The following PDLIM5 variants were observed in gnomAD, a reference collection of about 807,000 sequenced individuals.
PDLIM5 encodes the protein PDZ and LIM domain protein 5.
Under a neutral mutation model 64.2 loss-of-function variants are expected in PDLIM5, and 34 were observed. The ratio of observed to expected loss-of-function variants is 0.53; its 90% CI spans 0.40 to 0.71. The LOEUF is 0.71. PDLIM5 is among the 30% of genes least tolerant of loss of function. The pLI, the probability that PDLIM5 is intolerant of heterozygous loss-of-function variation, is 0.00. For synonymous variants in PDLIM5, 253 were observed against 269.1 expected (o/e 0.94, Z 0.59); for missense variants, 683 against 733.6 (o/e 0.93, Z 0.80).
chr4:94,639,286 A>G (rs528495910), intron 8 of PDLIM5, among the ~76,000 whole-genome samples: 2 of 152,304 alleles, frequency 1.3e-5, no homozygotes, highest in Admixed American at 1.3e-4. Flanking sequence ...GGGGATTTGT[A>G]TGCAGCACGT....
intron 7 of PDLIM5, among the ~76,000 whole-genome samples, chr4:94,612,174 C>T (rs534191555): frequency 5.0e-4 from 76 of 152,146 alleles, no homozygotes; most frequent in African/African-American, 1.6e-3. Flanking sequence ...GCCGAAATTG[C>T]GCCATTGCAC....
At chr4:94,607,105 C>A (rs1737990512) in intron 7 of PDLIM5, among the ~76,000 whole-genome samples, 1 of 152,174 alleles carries the variant, frequency 6.6e-6, no homozygotes, top group South Asian at 2.1e-4. Context: ...TTAGTTCTAT[C>A]ATGACATTTT....
intron 1 of PDLIM5, among the ~76,000 whole-genome samples, chr4:94,453,205 A>C (rs909538997): frequency 6.6e-6 from 1 of 152,164 alleles, no homozygotes; most frequent in Non-Finnish European, 1.5e-5. Context: ...GTATGCTGCT[A>C]TTTCCTGCCT....
intron 2 of PDLIM5, among the ~76,000 whole-genome samples, chr4:94,462,243 C>G (rs558679671): frequency 6.6e-5 from 10 of 152,224 alleles, no homozygotes; most frequent in African/African-American, 2.2e-4. Context: ...TCTCCTGGTG[C>G]CCTGCTGTTC....
chr4:94,509,369 G>C (rs1398740564), intron 2 of PDLIM5, among the ~76,000 whole-genome samples: 1 of 151,980 alleles, frequency 6.6e-6, no homozygotes, highest in Non-Finnish European at 1.5e-5. Context: ...TTTACTTCCA[G>C]ACATTTTATT....
chr4:94,568,440 A>T (rs1178518832), intron 3 of PDLIM5, among the ~76,000 whole-genome samples: 3 of 152,052 alleles, frequency 2.0e-5, no homozygotes, highest in Non-Finnish European at 4.4e-5. Context: ...CTGTAATGAA[A>T]TTTTTTCCAT....
chr4:94,485,816 C>T (rs1726267679), intron 2 of PDLIM5, among the ~76,000 whole-genome samples: 1 of 146,284 alleles, frequency 6.8e-6, no homozygotes, highest in Admixed American at 6.9e-5. Context: ...CGCCACTGCA[C>T]TCCAGCCTAG....
At position 94,618,132 on chromosome 4, in the gene PDLIM5, A is replaced by G. The variant is rs1235666981; in HGVS notation, c.1049A>G (p.Lys350Arg). ...VTSLTAAAAF[K>R]PVGSTGVIKS... ...AGCCTCACAGCTGCAGCTGCCTTCA[A>G]GCCTGTAGGATCCACTGGCGTCATC... The change falls in exon 8 of 13, where the codon AAG (lysine) becomes AGG (arginine). Residue 350 changes from lysine (K) to arginine (R), a missense_variant. Transcript: ENST00000317968. 2 of 1,612,252 alleles carry G rather than the reference A, an allele frequency of 1.2e-6. No individual in the cohort carries two copies. The highest frequency in any genetic ancestry group is 3.3e-5 in the Admixed American group (2 of 59,796).
intron 2 of PDLIM5, among the ~76,000 whole-genome samples, chr4:94,469,992 A>T (rs1445675752): frequency 2.8e-5 from 3 of 106,494 alleles, no homozygotes; most frequent in Non-Finnish European, 5.1e-5. Context: ...TTTGAGACAG[A>T]GTCTCACTCT....
At chr4:94,581,552 C>G (rs1023476210) in intron 5 of PDLIM5, among the ~76,000 whole-genome samples, 1 of 152,122 alleles carries the variant, frequency 6.6e-6, no homozygotes, top group South Asian at 2.1e-4. Flanking sequence ...CAACTTAATC[C>G]TGCATCTCAC....
At chr4:94,643,989 T>TCCTA (rs1211247874) in intron 9 of PDLIM5, among the ~76,000 whole-genome samples, 2 of 152,050 alleles carry the variant, frequency 1.3e-5, no homozygotes, top group African/African-American at 4.8e-5. Flanking sequence ...GCCCTTGTAT[T>TCCTA]TAAGGAAACA....
intron 3 of PDLIM5, among the ~76,000 whole-genome samples, chr4:94,564,881 C>A (rs1236570027): frequency 6.6e-6 from 1 of 151,928 alleles, no homozygotes; most frequent in Non-Finnish European, 1.5e-5. Flanking sequence ...TGGTCTTGAT[C>A]TCCTGACCTC....
chr4:94,647,975 A>G lies in PDLIM5; in HGVS notation c.1284-6485A>G, dbSNP rs567328805. Reference sequence around the variant, plus strand: ...AATACTTTGAGCTGAATGAAAATGAAAATGTAATATACCAAAACTTATTGA... The same window carrying G: ...AATACTTTGAGCTGAATGAAAATGAGAATGTAATATACCAAAACTTATTGA... On this transcript the variant is annotated intron_variant, in intron 9 of 12. Transcript: ENST00000317968. Among the ~76,000 whole-genome samples, 3 of 152,324 alleles carry G rather than the reference A, an allele frequency of 2.0e-5. No individual in the cohort carries two copies. In the South Asian group the frequency reaches 6.2e-4, roughly 32 times the overall value.
At chr4:94,539,522 G>A (rs533186465) in intron 3 of PDLIM5, among the ~76,000 whole-genome samples, 116 of 152,246 alleles carry the variant, frequency 7.6e-4, no homozygotes, top group Admixed American at 1.4e-3. Flanking sequence ...GGTAGGATTA[G>A]GGAATAGGTA....
chr4:94,542,010 G>C (rs547936514), intron 3 of PDLIM5, among the ~76,000 whole-genome samples: 42 of 152,228 alleles, frequency 2.8e-4, no homozygotes, highest in African/African-American at 9.4e-4. Flanking sequence ...GGGGAGATGG[G>C]AATTTAAAGT....
intron 5 of PDLIM5, chr4:94,582,885 A>G (rs1735849583): frequency 3.3e-5 from 20 of 606,130 alleles, no homozygotes; most frequent in Non-Finnish European, 5.5e-5. Flanking sequence ...TTTTTATGCT[A>G]GATAATTTTG....
At chr4:94,586,322 G>A in intron 6 of PDLIM5, 86 bp from the exon 7 acceptor site, 2 of 717,546 alleles carry the variant, frequency 2.8e-6, no homozygotes, top group South Asian at 3.5e-5. Flanking sequence ...TTGAACATTT[G>A]ATATTGATTG....
chr4:94,662,818 T>C (rs1300101438), intron 12 of PDLIM5, among the ~76,000 whole-genome samples: 1 of 96,936 alleles, frequency 1.0e-5, no homozygotes, highest in Non-Finnish European at 2.1e-5. Context: ...TAAGATTCCT[T>C]TACTTAAAAA....
At position 94,535,085 on chromosome 4, in the gene PDLIM5, T is replaced by C. The variant is rs1382949500; in HGVS notation, c.248+11210T>C. 2.0e-5 allele frequency among the ~76,000 whole-genome samples: 3 copies of C among 152,208 alleles called. No individual in the cohort carries two copies. The East Asian group carries it at 5.8e-4, about 29-fold the overall frequency. On this transcript the variant is annotated intron_variant, in intron 3 of 12. Coordinates refer to ENST00000317968, the MANE Select transcript of PDLIM5 (RefSeq NM_006457.5). ...TTTTCAGGACCATATTTTGTAAGACTGCTTGGAAAGAGGTGGAGAGAGACC... is the reference window on the plus strand; with the variant it reads ...TTTTCAGGACCATATTTTGTAAGACCGCTTGGAAAGAGGTGGAGAGAGACC...
Sources: allele counts gnomAD v4.1 joint callset (sites outside exome capture counted in the v4.1 genomes callset), GRCh38; gene constraint gnomAD v4.1.1; transcripts MANE v1.5; gene names NCBI Gene and HGNC (gene_info 2026-07-23, HGNC 2026-07-21).